LY75: variants seen among roughly 807,000 people sequenced by gnomAD.
The protein encoded by LY75 is C-type lectin domain family 13 member B.
Under a neutral mutation model 231.7 loss-of-function variants are expected in LY75, and 185 were observed. The ratio of observed to expected loss-of-function variants is 0.80; its 90% confidence interval spans 0.71 to 0.90. The LOEUF (loss-of-function observed/expected upper bound fraction) is 0.90, where lower values mean the gene tolerates loss of function less well. Among genes scored for constraint, LY75 ranks in the 40% least tolerant of loss-of-function variants. The pLI, the probability that LY75 is intolerant of heterozygous loss-of-function variation, is 0.00. For missense variants in LY75, 1,947 were observed against 2,050.2 expected (o/e 0.95, Z 0.97); for synonymous variants, 668 against 689.0 (o/e 0.97, Z 0.48).
At chr2:159,873,584 C>A (rs1685082277) in intron 12 of LY75, among the ~76,000 whole-genome samples, 1 of 152,008 alleles carries the variant, frequency 6.6e-6, no homozygotes, top group African/African-American at 2.4e-5. Flanking sequence ...CTCTAGCTGG[C>A]CTGAAGATCT....
rs1301182789 is a variant in LY75 at position 159,881,145 on chromosome 2, C to T, written c.1342G>A (p.Asp448Asn). 3.7e-6 allele frequency: 6 copies of T among 1,613,740 alleles called. No individual in the cohort carries two copies. Among genetic ancestry groups the T allele is most frequent in the Non-Finnish European group, 5.1e-6 (6 of 1,179,880 alleles). The change falls in exon 8 of 35, where the codon GAT (aspartate) becomes AAT (asparagine). Residue 448 changes from aspartate (D) to asparagine (N), a missense_variant. Coordinates refer to ENST00000263636, the MANE Select transcript of LY75 (RefSeq NM_002349.4). Reference sequence around the variant, plus strand: ...TAGGGAACATTTGGCTCATTCTCATCCCAATATGTTAGAGTAACTTCAGTA... The same window carrying T: ...TAGGGAACATTTGGCTCATTCTCATTCCAATATGTTAGAGTAACTTCAGTA... The part of the protein sequence containing the change: ...DGTEVTLTYW[D>N]ENEPNVPYNK...
chr2:159,904,683 C>T lies in LY75; in HGVS notation c.-1G>A, dbSNP rs1023507567. 7 of 1,444,680 alleles carry T rather than the reference C, an allele frequency of 4.8e-6. No homozygotes were observed. In the African/African-American group the frequency reaches 1.0e-4, roughly 22 times the overall value. 89.5% of individuals were successfully genotyped at this position (1,444,680 alleles called of 1,614,324 possible). A position where few individuals can be genotyped will look rare whatever the true frequency, so the allele number is the denominator to read the frequency against. ...GAGGGGTCGCCCAGCCTGTCCTCAT[C>T]CTGAGCTGGCGCAAGCCTTCCGGCC... On this transcript the variant is annotated 5_prime_UTR_variant, in exon 1 of 35. Transcript: ENST00000263636.
intron 32 of LY75, among the ~76,000 whole-genome samples, chr2:159,810,283 T>C (rs1682920700): frequency 1.3e-5 from 2 of 151,562 alleles, no homozygotes; most frequent in Non-Finnish European, 2.9e-5. Flanking sequence ...CTGCCCGCCT[T>C]GGCCTCCCAA....
intron 31 of LY75, among the ~76,000 whole-genome samples, chr2:159,811,691 T>C (rs990098518): frequency 2.0e-5 from 3 of 152,226 alleles, no homozygotes; most frequent in Non-Finnish European, 2.9e-5. Flanking sequence ...TGGCGGCTAC[T>C]GTGAGACTCT....
intron 19 of LY75, 135 bp from the exon 20 acceptor site, chr2:159,853,487 C>A: frequency 6.8e-7 from 1 of 1,461,772 alleles, no homozygotes; most frequent in South Asian, 1.3e-5. Context: ...TTGATGCTAA[C>A]ATGCAAAAGG....
At position 159,879,336 on chromosome 2, in the gene LY75, T is replaced by C; in HGVS notation, c.1438A>G (p.Lys480Glu). 12 of 1,613,718 alleles carry C rather than the reference T, an allele frequency of 7.4e-6. No homozygotes were observed. The highest frequency in any genetic ancestry group is 1.0e-5 in the Non-Finnish European group (12 of 1,179,868). Reference sequence around the variant, plus strand: ...TTTCTCTTGCATACATATTTTAGTTTCTCCTCACATGATTGGACTTTCCAC... The same window carrying C: ...TTTCTCTTGCATACATATTTTAGTTCCTCCTCACATGATTGGACTTTCCAC... ...GQWKVQSCEE[K>E]LKYVCKRKGE... is the part of the protein sequence containing the mutation. The change falls in exon 9 of 35, where the codon AAA (lysine) becomes GAA (glutamate). Residue 480 changes from lysine (K) to glutamate (E), a missense_variant. Transcript: ENST00000263636.
intron 25 of LY75, among the ~76,000 whole-genome samples, chr2:159,840,099 C>A (rs1412210494): frequency 6.6e-6 from 1 of 150,424 alleles, no homozygotes; most frequent in African/African-American, 2.4e-5. Flanking sequence ...TTTTTAAATT[C>A]TTCCCTTATC....
At chr2:159,885,027 T>C in intron 6 of LY75, 126 bp downstream of exon 6, 1 of 1,317,592 alleles carries the variant, frequency 7.6e-7, no homozygotes, top group Non-Finnish European at 1.0e-6. Context: ...ATCAAGTACT[T>C]TTCTGTACTG....
In LY75 at chr2:159,874,686, A is replaced by AAT. The variant is rs1247646117; in HGVS notation, c.1974+756_1974+757dup. ...TATATATATTTTGTAAATATATGTA[A>AAT]ATATATATATTTTGTAAATATATGT... On this transcript the variant is annotated intron_variant, in intron 12 of 34. Coordinates refer to ENST00000263636, the MANE Select transcript of LY75 (RefSeq NM_002349.4). 9.1e-4 allele frequency among the ~76,000 whole-genome samples: 42 copies of AAT among 46,240 alleles called. 1 individual carries two copies. Among genetic ancestry groups the AAT allele is most frequent in the African/African-American group, 2.2e-3 (37 of 16,446 alleles). The allele number at this position is 46,240 out of a possible 152,430, so 30.3% of individuals were successfully genotyped here. A position where few individuals can be genotyped will look rare whatever the true frequency, so the allele number is the denominator to read the frequency against.
intron 31 of LY75, 44 bp downstream of exon 31, chr2:159,815,361 G>A (rs1683093731): frequency 1.3e-6 from 2 of 1,541,064 alleles, no homozygotes; most frequent in African/African-American, 2.8e-5. Context: ...CATAAATTAT[G>A]TCACATTTTC....
chr2:159,814,416 A>C lies in LY75; in HGVS notation c.4549+989T>G, dbSNP rs1454100166. Among the ~76,000 whole-genome samples, 4 of 152,196 alleles carry C rather than the reference A, an allele frequency of 2.6e-5. No individual in the cohort carries two copies. The East Asian group carries it at 7.7e-4, about 29-fold the overall frequency. Reference sequence around the variant, plus strand: ...ATACTCTCAGCACTTTGGGAGGCTGAAACAGGAGGATTGTTTGAGCCTAGG... The same window carrying C: ...ATACTCTCAGCACTTTGGGAGGCTGCAACAGGAGGATTGTTTGAGCCTAGG... On this transcript the variant is annotated intron_variant, in intron 31 of 34. Coordinates refer to ENST00000263636, the MANE Select transcript of LY75 (RefSeq NM_002349.4).
chr2:159,874,650 T>TAGTAGATA (rs1491498095), intron 12 of LY75, among the ~76,000 whole-genome samples: 7,510 of 99,244 alleles, frequency 0.076, 1,124 homozygotes, highest in East Asian at 0.22. Flanking sequence ...AATATATATA[T>TAGTAGATA]TTTGTAAATA....
Position 159,881,308 on chromosome 2 carries a change from C to T in LY75, c.1247-68G>A, listed in dbSNP as rs114668937. The T allele has an allele frequency of 1.0e-3, 1,490 of 1,483,400 alleles. 16 individuals carry two copies. In the African/African-American group the frequency reaches 0.019, roughly 19 times the overall value. The allele number at this position is 1,483,400 out of a possible 1,614,324, so 91.9% of individuals were successfully genotyped here. A position where few individuals can be genotyped will look rare whatever the true frequency, so the allele number is the denominator to read the frequency against. On this transcript the variant is annotated intron_variant, in intron 7 of 34. Transcript: ENST00000263636. ...ATACTGTAATATGTACATTGTTATACAAATTTTTATATTCTGATATGGAGT... is the reference window on the plus strand; with the variant it reads ...ATACTGTAATATGTACATTGTTATATAAATTTTTATATTCTGATATGGAGT...
intron 11 of LY75, among the ~76,000 whole-genome samples, chr2:159,877,263 A>G (rs941678703): frequency 3.3e-5 from 5 of 152,140 alleles, no homozygotes; most frequent in Admixed American, 6.5e-5. Flanking sequence ...ATATTTTCCA[A>G]TCTCTGTGTT....
chr2:159,819,375 A>G lies in LY75; in HGVS notation c.4153+351T>C, dbSNP rs144244876. Among the ~76,000 whole-genome samples, 1,162 of 151,722 alleles carry G rather than the reference A, an allele frequency of 7.7e-3. 20 individuals are homozygous for G. Among genetic ancestry groups the G allele is most frequent in the African/African-American group, 0.026 (1,060 of 41,438 alleles). Reference sequence around the variant, plus strand: ...AACCCTATCCATTTTTCAAACCCCAACCAAGTTTCACCTCTTCTTGAAGCC... The same window carrying G: ...AACCCTATCCATTTTTCAAACCCCAGCCAAGTTTCACCTCTTCTTGAAGCC... On this transcript the variant is annotated intron_variant, in intron 29 of 34. Transcript: ENST00000263636.
At position 159,898,698 on chromosome 2, in the gene LY75, C is replaced by T. The variant is rs749965934; in HGVS notation, c.456G>A (p.Gln152=). ...CTCTCTAATACTCACCATGATAAGG[C>T]TGGTCACAAAGGCTTTCCTCTGAGC... ...KGGSEESLCD[Q]PYHEIYTRDG... The change falls in exon 2 of 35, where the codon CAG becomes CAA. Residue 152 remains glutamine, a synonymous_variant. Coordinates refer to ENST00000263636, the MANE Select transcript of LY75 (RefSeq NM_002349.4). 10 of 1,611,674 alleles carry T rather than the reference C, an allele frequency of 6.2e-6. No homozygotes were observed. Among genetic ancestry groups the T allele is most frequent in the East Asian group, 2.2e-5 (1 of 44,824 alleles).
chr2:159,837,602 T>C (rs572897532), intron 25 of LY75, among the ~76,000 whole-genome samples: 2 of 150,030 alleles, frequency 1.3e-5, no homozygotes, highest in African/African-American at 2.5e-5. Context: ...ACAGTGTATG[T>C]ATTGTAACAA....
rs778657253 is a variant in LY75, at chr2:159,886,558, G to C, written c.803-28C>G. 5.7e-6 allele frequency: 9 copies of C among 1,568,514 alleles called. No individual in the cohort carries two copies. The Admixed American group carries it at 1.6e-4, about 28-fold the overall frequency. ...GTAAGAATTAAAAAATTTTTAAAAAGTGACAAAGTTGCCTAAGTTATTATC... is the reference window on the plus strand; with the variant it reads ...GTAAGAATTAAAAAATTTTTAAAAACTGACAAAGTTGCCTAAGTTATTATC... On this transcript the variant is annotated intron_variant, in intron 4 of 34. Coordinates refer to ENST00000263636, the MANE Select transcript of LY75 (RefSeq NM_002349.4).
intron 3 of LY75, among the ~76,000 whole-genome samples, chr2:159,891,451 A>T (rs1292357764): frequency 1.3e-5 from 2 of 152,148 alleles, no homozygotes; most frequent in Non-Finnish European, 2.9e-5. Flanking sequence ...GTTCATTATT[A>T]CCACTGAGGC....
Sources: allele counts gnomAD v4.1 joint callset (sites outside exome capture counted in the v4.1 genomes callset), GRCh38; gene constraint gnomAD v4.1.1; transcripts MANE v1.5; gene names NCBI Gene and HGNC (gene_info 2026-07-23, HGNC 2026-07-21).